CCDC178: variants seen among roughly 807,000 people sequenced by gnomAD.
The protein encoded by CCDC178 is coiled-coil domain containing 178.
Under a neutral mutation model 117.4 loss-of-function variants are expected in CCDC178, and 126 were observed. The observed-to-expected ratio is 1.07, with a 90% CI of 0.93 to 1.24. The LOEUF (loss-of-function observed/expected upper bound fraction) is 1.24. CCDC178 is among the 50% of genes most tolerant of loss of function. CCDC178 has a pLI of 0.00. For synonymous variants in CCDC178, 283 were observed against 313.4 expected (o/e 0.90, Z 1.02); for missense variants, 1,030 against 986.9 (o/e 1.04, Z -0.59).
intron 21 of CCDC178, among the ~76,000 whole-genome samples, chr18:33,005,681 T>C (rs1020996780): frequency 1.3e-5 from 2 of 152,046 alleles, no homozygotes; most frequent in Non-Finnish European, 2.9e-5. Context: ...CTCTGATTAT[T>C]ATGCATTGAG....
At chr18:33,214,258 G>C (rs1421886768) in intron 19 of CCDC178, among the ~76,000 whole-genome samples, 1 of 152,098 alleles carries the variant, frequency 6.6e-6, no homozygotes, top group Non-Finnish European at 1.5e-5. Flanking sequence ...TGGCACAATA[G>C]CAAGTCATTC....
intron 20 of CCDC178, among the ~76,000 whole-genome samples, chr18:33,164,375 A>G (rs1418178940): frequency 6.6e-6 from 1 of 151,964 alleles, no homozygotes; most frequent in African/African-American, 2.4e-5. Flanking sequence ...CGGCCTCCCA[A>G]AGTGCTGGGA....
chr18:33,129,815 T>G (rs1375354678), intron 20 of CCDC178, among the ~76,000 whole-genome samples: 1 of 152,062 alleles, frequency 6.6e-6, no homozygotes, highest in Admixed American at 6.6e-5. Flanking sequence ...TAACAAATTC[T>G]AGTCATTTTC....
At chr18:32,947,650 T>C (rs990487109) in intron 22 of CCDC178, among the ~76,000 whole-genome samples, 1 of 152,182 alleles carries the variant, frequency 6.6e-6, no homozygotes, top group Non-Finnish European at 1.5e-5. Flanking sequence ...AAATATTTTC[T>C]TCCTATGTGT....
intron 2 of CCDC178, among the ~76,000 whole-genome samples, chr18:33,416,587 T>C (rs1390461838): frequency 1.3e-5 from 2 of 152,104 alleles, no homozygotes; most frequent in East Asian, 1.9e-4. Flanking sequence ...TCTTTACTGA[T>C]AGGACTCAAG....
intron 20 of CCDC178, among the ~76,000 whole-genome samples, chr18:33,145,371 A>G: frequency 6.6e-6 from 1 of 152,302 alleles, no homozygotes. Context: ...GGACAGGAAC[A>G]TTCACGTTTA....
intron 4 of CCDC178, among the ~76,000 whole-genome samples, chr18:33,395,355 C>A (rs2063621408): frequency 6.6e-6 from 1 of 151,924 alleles, no homozygotes; most frequent in African/African-American, 2.4e-5. Flanking sequence ...AATGCCTTAA[C>A]TCCCAACTAA....
At chr18:33,386,339 C>T (rs1248176909) in intron 5 of CCDC178, among the ~76,000 whole-genome samples, 3 of 152,126 alleles carry the variant, frequency 2.0e-5, no homozygotes, top group Admixed American at 6.6e-5. Flanking sequence ...GGAGGGACTC[C>T]TCCCTAACTC....
intron 20 of CCDC178, among the ~76,000 whole-genome samples, chr18:33,195,163 A>C (rs893855164): frequency 6.6e-6 from 1 of 151,958 alleles, no homozygotes; most frequent in Non-Finnish European, 1.5e-5. Context: ...AAGAAAATTA[A>C]AAAAAGAAAA....
chr18:33,440,827 G>GA (rs1460796811), upstream of CCDC178: 1 of 153,476 alleles, frequency 6.5e-6, no homozygotes, highest in African/African-American at 2.4e-5. Context: ...CGAGCCCTTA[G>GA]CCCCCGACTC....
chr18:33,171,344 A>G (rs2058597045), intron 20 of CCDC178, among the ~76,000 whole-genome samples: 1 of 152,156 alleles, frequency 6.6e-6, no homozygotes, highest in African/African-American at 2.4e-5. Flanking sequence ...CCTGACAAAA[A>G]TTTCTGGTCC....
chr18:33,392,643 C>T (rs60724675), intron 4 of CCDC178, among the ~76,000 whole-genome samples: 2,389 of 151,560 alleles, frequency 0.016, 58 homozygotes, highest in African/African-American at 0.054. Context: ...GATACTGACA[C>T]GAAATAATCA....
chr18:33,295,253 C>CA (rs929388777), intron 11 of CCDC178, among the ~76,000 whole-genome samples: 16 of 151,552 alleles, frequency 1.1e-4, no homozygotes, highest in Non-Finnish European at 1.6e-4. Flanking sequence ...TATTCATTGG[C>CA]AAAAAAAGGG....
intron 21 of CCDC178, among the ~76,000 whole-genome samples, chr18:32,988,935 T>C (rs1168204012): frequency 1.3e-5 from 2 of 152,124 alleles, no homozygotes; most frequent in African/African-American, 2.4e-5. Context: ...AAGCTACATA[T>C]TCTTACAATT....
At chr18:33,301,960 CCCCT>C (rs2062183148) in intron 11 of CCDC178, among the ~76,000 whole-genome samples, 2 of 152,076 alleles carry the variant, frequency 1.3e-5, no homozygotes, top group African/African-American at 2.4e-5. Flanking sequence ...AAATGTTTGT[CCCCT>C]CCAAATCTCA....
chr18:32,988,363 G>C (rs1380653788), intron 21 of CCDC178, among the ~76,000 whole-genome samples: 1 of 151,994 alleles, frequency 6.6e-6, no homozygotes, highest in Admixed American at 6.6e-5. Context: ...TTGAACCCAG[G>C]AGGCGGAGGT....
chr18:33,192,119 C>T (rs935256275), intron 20 of CCDC178, among the ~76,000 whole-genome samples: 21 of 152,108 alleles, frequency 1.4e-4, no homozygotes, highest in African/African-American at 4.6e-4. Flanking sequence ...TGAAAACAGT[C>T]GCTTCCTCCA....
At chr18:33,273,964 G>A (rs1188509174) in intron 12 of CCDC178, among the ~76,000 whole-genome samples, 2 of 151,764 alleles carry the variant, frequency 1.3e-5, no homozygotes, top group Non-Finnish European at 3.0e-5. Flanking sequence ...ATGACATGGA[G>A]TGGGAGAAAA....
intron 20 of CCDC178, among the ~76,000 whole-genome samples, chr18:33,132,344 TAA>T (rs2058076114): frequency 6.6e-6 from 1 of 151,752 alleles, no homozygotes; most frequent in Admixed American, 6.6e-5. Flanking sequence ...TCATGTAATC[TAA>T]AAGAGGTTAT....
Sources: allele counts gnomAD v4.1 joint callset (sites outside exome capture counted in the v4.1 genomes callset), GRCh38; gene constraint gnomAD v4.1.1; transcripts MANE v1.5; gene names NCBI Gene and HGNC (gene_info 2026-07-23, HGNC 2026-07-21).